The following CASK variants were observed in gnomAD, a reference collection of about 807,000 sequenced individuals.
CASK encodes calcium/calmodulin dependent serine protein kinase.
CASK carries 4 observed loss-of-function variants against 82.9 expected under a neutral mutation model. The observed-to-expected ratio is 0.05, with a 90% CI of 0.02 to 0.11. The LOEUF (loss-of-function observed/expected upper bound fraction) is 0.11, where lower values mean the gene tolerates loss of function less well. Among genes scored for constraint, CASK ranks in the 10% least tolerant of loss-of-function variants. CASK has a pLI of 1.00. For missense variants in CASK, 358 were observed against 720.9 expected, an observed-to-expected ratio of 0.50 and a Z score of 5.76; for synonymous variants, 259 against 253.5, an observed-to-expected ratio of 1.02 and a Z score of -0.20.
intron 2 of CASK, among the ~76,000 whole-genome samples, chrX:41,793,530 T>C (rs1402737489): frequency 1.8e-5 from 2 of 112,158 alleles, no homozygotes; most frequent in Non-Finnish European, 3.8e-5. Flanking sequence ...AACTAGATAC[T>C]GCGCTTTTCC....
intron 22 of CASK, among the ~76,000 whole-genome samples, chrX:41,538,829 G>C (rs146330793): frequency 1.2e-3 from 131 of 111,767 alleles, no homozygotes; most frequent in African/African-American, 4.1e-3. Context: ...TTGCACACTG[G>C]TAGCATTGGG....
At chrX:41,742,393 T>G (rs969013360) in intron 4 of CASK, among the ~76,000 whole-genome samples, 2 of 111,485 alleles carry the variant, frequency 1.8e-5, no homozygotes, top group African/African-American at 6.5e-5. Flanking sequence ...ATCCTTGAGA[T>G]TATTTAGTAA....
chrX:41,620,567 C>T (rs1305871094), intron 11 of CASK, among the ~76,000 whole-genome samples: 1 of 112,157 alleles, frequency 8.9e-6, no homozygotes, highest in African/African-American at 3.2e-5. Context: ...CTAAGGTATA[C>T]TGTTTTAAGT....
At chrX:41,841,452 A>G (rs1230673542) in intron 2 of CASK, among the ~76,000 whole-genome samples, 4 of 109,029 alleles carry the variant, frequency 3.7e-5, no homozygotes, top group African/African-American at 1.3e-4. Flanking sequence ...ATACTAGATT[A>G]TCAAATATAT....
chrX:41,676,557 G>A (rs1323409082), intron 5 of CASK: 5 of 982,331 alleles, frequency 5.1e-6, no homozygotes. Context: ...GGGTCTACCT[G>A]GCGGGCGCCG....
intron 3 of CASK, among the ~76,000 whole-genome samples, chrX:41,779,364 C>A (rs1017531962): frequency 1.8e-5 from 2 of 112,007 alleles, no homozygotes; most frequent in Non-Finnish European, 3.8e-5. Context: ...TGCCTGGTTT[C>A]CCCTGGACTT....
At chrX:41,801,757 G>A (rs1399393350) in intron 2 of CASK, among the ~76,000 whole-genome samples, 1 of 111,017 alleles carries the variant, frequency 9.0e-6, no homozygotes, top group Non-Finnish European at 1.9e-5. Flanking sequence ...CCACTTTTTG[G>A]AGACTTTGGA....
intron 5 of CASK, among the ~76,000 whole-genome samples, chrX:41,692,474 C>A (rs2067588844): frequency 8.9e-6 from 1 of 112,513 alleles, no homozygotes; most frequent in Non-Finnish European, 1.9e-5. Flanking sequence ...CAAGAGAGAT[C>A]ATTTCATTAG....
At chrX:41,897,470 CT>C (rs1204277579) in intron 1 of CASK, among the ~76,000 whole-genome samples, 3 of 111,451 alleles carry the variant, frequency 2.7e-5, no homozygotes, top group African/African-American at 6.5e-5. Flanking sequence ...TGTATAGTCC[CT>C]TTTTTTCTCC....
At chrX:41,546,090 C>T (rs1011191887) in intron 21 of CASK, among the ~76,000 whole-genome samples, 13 of 111,236 alleles carry the variant, frequency 1.2e-4, no homozygotes, top group Non-Finnish European at 2.5e-4. Flanking sequence ...CTCCCTGCCT[C>T]AGCCTCCCAA....
intron 5 of CASK, among the ~76,000 whole-genome samples, chrX:41,671,861 T>C (rs1319044615): frequency 8.9e-6 from 1 of 111,815 alleles, no homozygotes; most frequent in East Asian, 2.8e-4. Context: ...TTGTCTTCCT[T>C]TGAGTGACAG....
Position 41,536,982 on chromosome X carries a change from A to G in CASK, c.2156-2009T>C, listed in dbSNP as rs1003955713. 3.6e-5 allele frequency among the ~76,000 whole-genome samples: 4 copies of G among 112,312 alleles called. No homozygotes were observed. In the Admixed American group the frequency reaches 3.8e-4, roughly 11 times the overall value. On this transcript the variant is annotated intron_variant, in intron 22 of 26. Coordinates refer to ENST00000378163, the MANE Select transcript of CASK (RefSeq NM_001367721.1). ...CATTGACAAGCAGATATGTTTTAAT[A>G]TATTTTAATAAAAATAAGCAAGCAT... is the stretch of plus-strand genomic sequence containing the variant.
rs758684059 is a variant in CASK, at chrX:41,641,661, C to CT, written c.832-5001dup. ...TTTGATGTGAAATAAGTGAATAGAA[C>CT]TTTTTTTTGGTGGTTTTATCAAAGA... On this transcript the variant is annotated intron_variant, in intron 8 of 26. Coordinates refer to ENST00000378163, the MANE Select transcript of CASK (RefSeq NM_001367721.1). Among the ~76,000 whole-genome samples the CT allele has an allele frequency of 3.3e-4, 37 of 110,748 alleles. No homozygotes were observed. The East Asian group carries it at 9.4e-3, about 28-fold the overall frequency.
At chrX:41,710,278 A>C (rs1253146494) in intron 5 of CASK, among the ~76,000 whole-genome samples, 1 of 111,467 alleles carries the variant, frequency 9.0e-6, no homozygotes, top group Non-Finnish European at 1.9e-5. Context: ...ATATGAACCA[A>C]GTTTGACTGA....
At chrX:41,693,362 C>G (rs1602477377) in intron 5 of CASK, among the ~76,000 whole-genome samples, 1 of 111,646 alleles carries the variant, frequency 9.0e-6, no homozygotes, top group Admixed American at 9.5e-5. Context: ...ACCTGTAATT[C>G]CAGCACTTTG....
intron 1 of CASK, among the ~76,000 whole-genome samples, chrX:41,897,545 T>C (rs181979968): frequency 9.0e-6 from 1 of 111,380 alleles, no homozygotes; most frequent in East Asian, 2.8e-4. Flanking sequence ...TTAAGTGAAT[T>C]TGACAGGTAA....
At chrX:41,618,928 G>A (rs1321678296) in intron 11 of CASK, among the ~76,000 whole-genome samples, 2 of 105,343 alleles carry the variant, frequency 1.9e-5, no homozygotes, top group Admixed American at 1.0e-4. Context: ...CTGGGTTCAT[G>A]CCATTCTCCT....
At chrX:41,901,092 T>A (rs1450441572) in intron 1 of CASK, among the ~76,000 whole-genome samples, 2 of 111,684 alleles carry the variant, frequency 1.8e-5, no homozygotes, top group African/African-American at 3.3e-5. Context: ...TCTTTATGAC[T>A]GGTTACCGGT....
Position 41,787,183 on chromosome X carries a change from G to A in CASK, c.273C>T (p.Phe91=), listed in dbSNP as rs201151046. The A allele has an allele frequency of 8.8e-6, 10 of 1,132,340 alleles. No homozygotes were observed. Among genetic ancestry groups the A allele is most frequent in the Admixed American group, 6.6e-5 (3 of 45,677 alleles). 93.3% of individuals were successfully genotyped at this position (1,132,340 alleles called of 1,213,427 possible). A position where few individuals can be genotyped will look rare whatever the true frequency, so the allele number is the denominator to read the frequency against. Residue 91 remains phenylalanine, a synonymous_variant, in exon 3 of 27, where the codon TTC becomes TTT. Transcript: ENST00000378163. ...YSSDGMLYMV[F]EFMDGADLCF... is the part of the protein sequence containing the mutation. Reference sequence around the variant, plus strand: ...GAATTAAAATACACACTCACAATTCGAAAACCATGTAAAGCATTCCATCTG... The same window carrying A: ...GAATTAAAATACACACTCACAATTCAAAAACCATGTAAAGCATTCCATCTG...
Sources: allele counts gnomAD v4.1 joint callset (sites outside exome capture counted in the v4.1 genomes callset), GRCh38; gene constraint gnomAD v4.1.1; transcripts MANE v1.5; gene names NCBI Gene and HGNC (gene_info 2026-07-23, HGNC 2026-07-21).